Variants in INPP4B observed in about 807,000 individuals in gnomAD.
INPP4B encodes inositol polyphosphate 4-phosphatase type II.
A neutral mutation model predicts 122.5 loss-of-function variants in INPP4B; 55 were observed. That is an observed-to-expected ratio of 0.45 (90% CI 0.36 to 0.56). INPP4B has a LOEUF of 0.56. Among genes scored for constraint, INPP4B ranks in the 20% least tolerant of loss-of-function variants. INPP4B has a pLI of 0.00. For missense variants in INPP4B, 1,000 were observed against 1,097.7 expected, an observed-to-expected ratio of 0.91 and a Z score of 1.26; for synonymous variants, 403 against 388.7, an observed-to-expected ratio of 1.04 and a Z score of -0.43.
At chr4:142,166,376 T>C (rs1477590990) in intron 16 of INPP4B, among the ~76,000 whole-genome samples, 4 of 151,786 alleles carry the variant, frequency 2.6e-5, no homozygotes, top group Admixed American at 2.6e-4. Context: ...TTACACCTTT[T>C]ACAAAAACTA....
At chr4:142,343,390 TGAA>T (rs553929860) in intron 7 of INPP4B, among the ~76,000 whole-genome samples, 5 of 152,040 alleles carry the variant, frequency 3.3e-5, no homozygotes, top group African/African-American at 1.2e-4. Flanking sequence ...TCTCTAGAGA[TGAA>T]GGAGTAGATA....
chr4:142,552,430 T>TAAAA (rs560749007), intron 2 of INPP4B, among the ~76,000 whole-genome samples: 5 of 144,244 alleles, frequency 3.5e-5, no homozygotes, highest in South Asian at 2.2e-4. Flanking sequence ...CTTGAAGTCT[T>TAAAA]AAAAAAAAAA....
chr4:142,805,047 T>C (rs557237901), intron 1 of INPP4B, among the ~76,000 whole-genome samples: 1 of 152,316 alleles, frequency 6.6e-6, no homozygotes, highest in South Asian at 2.1e-4. Context: ...ACACGCAGCA[T>C]TCAACTGATC....
intron 14 of INPP4B, among the ~76,000 whole-genome samples, chr4:142,204,839 A>G (rs1842024696): frequency 6.6e-6 from 1 of 152,074 alleles, no homozygotes; most frequent in African/African-American, 2.4e-5. Flanking sequence ...CATGGCCCTG[A>G]TGACATTTTG....
At chr4:142,749,566 G>A (rs1769328318) in intron 1 of INPP4B, among the ~76,000 whole-genome samples, 1 of 151,474 alleles carries the variant, frequency 6.6e-6, no homozygotes, top group African/African-American at 2.4e-5. Context: ...GGATAAAAAG[G>A]TATCCACTCA....
intron 1 of INPP4B, among the ~76,000 whole-genome samples, chr4:142,782,232 G>A (rs1231210248): frequency 2.0e-5 from 3 of 151,786 alleles, no homozygotes; most frequent in African/African-American, 7.2e-5. Flanking sequence ...AACATGCGGT[G>A]TTTGGTTTTT....
At chr4:142,108,816 A>C (rs931264652) in intron 22 of INPP4B, among the ~76,000 whole-genome samples, 5 of 152,128 alleles carry the variant, frequency 3.3e-5, no homozygotes, top group African/African-American at 1.2e-4. Flanking sequence ...ACCTTGTGTT[A>C]TCTTTGAGAA....
At chr4:142,483,182 CTTTTTTTTTTTTTT>C (rs5862604) in intron 2 of INPP4B, among the ~76,000 whole-genome samples, 2 of 48,334 alleles carry the variant, frequency 4.1e-5, no homozygotes, top group East Asian at 6.8e-4. Context: ...TCAGGCTATG[CTTTTTTTTTTTTTT>C]TTTTTTTTTT....
intron 2 of INPP4B, among the ~76,000 whole-genome samples, chr4:142,681,535 C>T (rs1163588499): frequency 1.3e-5 from 2 of 151,478 alleles, no homozygotes; most frequent in African/African-American, 2.4e-5. Context: ...TTAATTTTGG[C>T]ATTAAAGAAA....
intron 2 of INPP4B, among the ~76,000 whole-genome samples, chr4:142,681,962 A>T (rs2150685832): frequency 6.6e-6 from 1 of 151,958 alleles, no homozygotes; most frequent in Non-Finnish European, 1.5e-5. Context: ...TTCAGTCATA[A>T]AGTGCAATTC....
At chr4:142,331,351 T>C (rs893287782) in intron 7 of INPP4B, among the ~76,000 whole-genome samples, 5 of 152,174 alleles carry the variant, frequency 3.3e-5, no homozygotes, top group African/African-American at 1.2e-4. Flanking sequence ...CATACCACTG[T>C]GGCATCACTT....
chr4:142,621,416 G>A (rs1455268126), intron 2 of INPP4B, among the ~76,000 whole-genome samples: 4 of 151,850 alleles, frequency 2.6e-5, no homozygotes, highest in Admixed American at 6.6e-5. Context: ...TACAGTCCCC[G>A]TGCACTTGAA....
chr4:142,477,933 G>A (rs1412218670), intron 2 of INPP4B, among the ~76,000 whole-genome samples: 1 of 152,146 alleles, frequency 6.6e-6, no homozygotes, highest in Non-Finnish European at 1.5e-5. Context: ...CTCCTGAGTA[G>A]CTGGAACTAC....
chr4:142,564,439 C>CAAAAAAAAAAAAAAAAAA (rs199803105), intron 2 of INPP4B, among the ~76,000 whole-genome samples: 2 of 97,926 alleles, frequency 2.0e-5, no homozygotes, highest in African/African-American at 4.2e-5. Flanking sequence ...TAAGGAATGG[C>CAAAAAAAAAAAAAAAAAA]AAAAAAAAAA....
At chr4:142,040,894 G>A (rs1175025205) in intron 25 of INPP4B, among the ~76,000 whole-genome samples, 1 of 152,106 alleles carries the variant, frequency 6.6e-6, no homozygotes, top group Non-Finnish European at 1.5e-5. Flanking sequence ...CAGTTAAGAG[G>A]ACATTAACAC....
At chr4:142,321,746 T>C (rs1770136132) in intron 7 of INPP4B, among the ~76,000 whole-genome samples, 1 of 152,192 alleles carries the variant, frequency 6.6e-6, no homozygotes, top group African/African-American at 2.4e-5. Context: ...CAGTTGGCTG[T>C]AAGTATTTGA....
chr4:142,365,468 C>T (rs569715215), intron 7 of INPP4B, among the ~76,000 whole-genome samples: 2 of 152,114 alleles, frequency 1.3e-5, no homozygotes, highest in Non-Finnish European at 1.5e-5. Context: ...AAGAAGTGAA[C>T]ATTTGCAGCC....
intron 2 of INPP4B, among the ~76,000 whole-genome samples, chr4:142,610,024 A>AT (rs1162631037): frequency 6.6e-6 from 1 of 152,050 alleles, no homozygotes. Context: ...GAGGATATAG[A>AT]TTTTTTTATG....
intron 1 of INPP4B, among the ~76,000 whole-genome samples, chr4:142,805,112 G>C (rs1292602160): frequency 6.6e-6 from 1 of 152,154 alleles, no homozygotes. Flanking sequence ...GAAAGCACAA[G>C]ATAATCTCTA....
Sources: gnomAD v4.1 joint callset for allele counts (sites outside exome capture counted in the v4.1 genomes callset) on GRCh38, gnomAD v4.1.1 for gene constraint, MANE v1.5 for transcripts, NCBI Gene and HGNC (gene_info 2026-07-23, HGNC 2026-07-21) for gene names.